Variants in WBP4 observed in about 807,000 individuals in gnomAD.
WBP4 encodes WW domain-binding protein 4.
A neutral mutation model predicts 55.4 loss-of-function variants in WBP4; 37 were observed. The observed-to-expected ratio is 0.67, with a 90% CI of 0.51 to 0.88. WBP4 has a LOEUF of 0.88. Among genes scored for constraint, WBP4 ranks in the 40% least tolerant of loss-of-function variants. The pLI, the probability that WBP4 is intolerant of heterozygous loss-of-function variation, is 0.00. For synonymous variants in WBP4, 142 were observed against 140.2 expected, an observed-to-expected ratio of 1.01 and a Z score of -0.09; for missense variants, 398 against 420.8, an observed-to-expected ratio of 0.95 and a Z score of 0.47.
rs1280397900 is a variant in WBP4, at chr13:41,066,565, AT to A, written c.262+1281del. 3.9e-5 allele frequency among the ~76,000 whole-genome samples: 6 copies of A among 152,306 alleles called. No individual in the cohort carries two copies. In the East Asian group the frequency reaches 1.2e-3, roughly 29 times the overall value. On this transcript the variant is annotated intron_variant, in intron 4 of 9. Transcript: ENST00000379487. ...GGAGCAGACTTTGGAGTCAAGCAGAATTTCCTCTTGCTAGTTATGACTTTTG... is the reference window on the plus strand; with the variant it reads ...GGAGCAGACTTTGGAGTCAAGCAGAATTCCTCTTGCTAGTTATGACTTTTG...
intron 8 of WBP4, among the ~76,000 whole-genome samples, chr13:41,078,986 G>T (rs1464669981): frequency 6.6e-6 from 1 of 152,092 alleles, no homozygotes; most frequent in Non-Finnish European, 1.5e-5. Context: ...AAAAGCTTAT[G>T]CACAGCAAAA....
chr13:41,062,108 T>G lies in WBP4; in HGVS notation c.2+433T>G, dbSNP rs866063938. The G allele has an allele frequency of 1.7e-4, 166 of 964,008 alleles. No individual in the cohort carries two copies. The African/African-American group carries it at 2.6e-3, about 15-fold the overall frequency. 59.7% of individuals were successfully genotyped at this position (964,008 alleles called of 1,614,324 possible). A position where few individuals can be genotyped will look rare whatever the true frequency, so the allele number is the denominator to read the frequency against. ...GGATAGCGTAATGGTTTTTTTTTTT[T>G]TTTTTTTTTTTTTTTTGTCGGCCGT... is the stretch of plus-strand genomic sequence containing the variant. On this transcript the variant is annotated intron_variant, in intron 1 of 9. Transcript: ENST00000379487.
At chr13:41,065,426 C>T (rs1877931337) in intron 4 of WBP4, 139 bp downstream of exon 4, 3 of 1,215,476 alleles carry the variant, frequency 2.5e-6, no homozygotes, top group Middle Eastern at 2.9e-4. Context: ...GCATCATAGC[C>T]CTGTTTAGAC....
chr13:41,069,260 C>T (rs1296610735), intron 5 of WBP4, among the ~76,000 whole-genome samples: 1 of 152,160 alleles, frequency 6.6e-6, no homozygotes, highest in Non-Finnish European at 1.5e-5. Flanking sequence ...GATGCAGTGG[C>T]TCATGCCTGT....
rs371023781 is a variant in WBP4 at position 41,076,047 on chromosome 13, C to T, written c.566C>T (p.Ser189Phe). 3 of 1,611,192 alleles carry T rather than the reference C, an allele frequency of 1.9e-6. No homozygotes were observed. The African/African-American group carries it at 4.0e-5, about 22-fold the overall frequency. ...GACTTTAAAATGTGTTGAGCAGAAT[C>T]CAGATGGGAGAAACCTGATGATTTC... Reference protein sequence around the residue: ...TYYYNTETGESRWEKPDDFIP... With the variant: ...TYYYNTETGEFRWEKPDDFIP... Residue 189 changes from serine (S) to phenylalanine (F), a missense_variant, in exon 8 of 10, where the codon TCC becomes TTC. Physicochemically the swap from Ser to Phe is radical, Grantham distance 155 (BLOSUM62 -2). Transcript: ENST00000379487.
chr13:41,076,616 T>C (rs1042152549), intron 8 of WBP4, among the ~76,000 whole-genome samples: 9 of 152,210 alleles, frequency 5.9e-5, no homozygotes, highest in Middle Eastern at 3.4e-3. Flanking sequence ...AGACCTTAAG[T>C]CTTCTGATAG....
intron 1 of WBP4, 89 bp from the exon 2 acceptor site, chr13:41,062,555 T>C: frequency 1.7e-6 from 2 of 1,175,880 alleles, no homozygotes; most frequent in Non-Finnish European, 2.4e-6. Flanking sequence ...CAGGGGCATA[T>C]ATTTCAAACT....
In WBP4 at chr13:41,082,857, G is replaced by C. The variant is rs368798687; in HGVS notation, c.1074G>C (p.Lys358Asn). 1.9e-6 allele frequency: 3 copies of C among 1,613,938 alleles called. No individual in the cohort carries two copies. The African/African-American group carries it at 4.0e-5, about 22-fold the overall frequency. The change falls in exon 10 of 10, where the codon AAG becomes AAC. Residue 358 changes from lysine to asparagine, a missense_variant. Coordinates refer to ENST00000379487, the MANE Select transcript of WBP4 (RefSeq NM_007187.5). ...MADGVAPVFK[K>N]RRTENGKSRN... ...ATGGAGTGGCCCCAGTCTTCAAAAA[G>C]AGAAGAACTGAAAATGGAAAATCTA...
chr13:41,074,686 T>G (rs1014870857), intron 7 of WBP4, among the ~76,000 whole-genome samples: 2 of 152,154 alleles, frequency 1.3e-5, no homozygotes, highest in African/African-American at 4.8e-5. Context: ...GCTTGGCACA[T>G]AGTAGGTGCT....
At chr13:41,072,723 T>A (rs959727220) in intron 6 of WBP4, 59 bp from the exon 7 acceptor site, 1 of 1,505,670 alleles carries the variant, frequency 6.6e-7, no homozygotes. Flanking sequence ...CTGTCTGAGT[T>A]ATTCAATAGA....
At position 41,082,845 on chromosome 13, in the gene WBP4, A is replaced by C. The variant is rs759217852; in HGVS notation, c.1062A>C (p.Pro354=). The C allele has an allele frequency of 1.2e-6, 2 of 1,614,040 alleles. No homozygotes were observed. Among genetic ancestry groups the C allele is most frequent in the Non-Finnish European group, 1.7e-6 (2 of 1,180,032 alleles). Reference sequence around the variant, plus strand: ...GAGTTATGGCAGATGGAGTGGCCCCAGTCTTCAAAAAGAGAAGAACTGAAA... The same window carrying C: ...GAGTTATGGCAGATGGAGTGGCCCCCGTCTTCAAAAAGAGAAGAACTGAAA... ...SLGVMADGVA[P]VFKKRRTENG... is the part of the protein sequence containing the mutation. The change falls in exon 10 of 10, where the codon CCA becomes CCC. Residue 354 remains proline (P), a synonymous_variant. Coordinates refer to ENST00000379487, the MANE Select transcript of WBP4 (RefSeq NM_007187.5).
Position 41,062,810 on chromosome 13 carries a change from G to T in WBP4, c.75+94G>T, listed in dbSNP as rs1877758157. Reference sequence around the variant, plus strand: ...AACTCAGTTTACAAAGCACTTTTATGTACATTGCTCTTGCATTTTCAAAAC... The same window carrying T: ...AACTCAGTTTACAAAGCACTTTTATTTACATTGCTCTTGCATTTTCAAAAC... On this transcript the variant is annotated intron_variant, in intron 2 of 9. Coordinates refer to ENST00000379487, the MANE Select transcript of WBP4 (RefSeq NM_007187.5). 4.6e-6 allele frequency: 5 copies of T among 1,077,902 alleles called. No homozygotes were observed. The Admixed American group carries it at 9.9e-5, about 21-fold the overall frequency. The allele number at this position is 1,077,902 out of a possible 1,614,324, so 66.8% of individuals were successfully genotyped here. A position where few individuals can be genotyped will look rare whatever the true frequency, so the allele number is the denominator to read the frequency against.
Position 41,064,922 on chromosome 13 carries a change from T to C in WBP4, c.76-94T>C, listed in dbSNP as rs1000934207. On this transcript the variant is annotated intron_variant, in intron 2 of 9. Coordinates refer to ENST00000379487, the MANE Select transcript of WBP4 (RefSeq NM_007187.5). ...TCTTTTCTGCCATTCATTTTAATTT[T>C]AATTTTCTCATGTTTATGAGAAAAT... The C allele has an allele frequency of 1.1e-5, 13 of 1,180,994 alleles. No individual in the cohort carries two copies. The African/African-American group carries it at 2.1e-4, about 19-fold the overall frequency. 73.2% of individuals were successfully genotyped at this position (1,180,994 alleles called of 1,614,324 possible).
intron 5 of WBP4, 147 bp downstream of exon 5, chr13:41,068,884 C>T: frequency 1.2e-6 from 1 of 845,758 alleles, no homozygotes; most frequent in Non-Finnish European, 1.7e-6. Context: ...GGTAAGAAAA[C>T]TGTGTGCCCT....
chr13:41,079,974 T>C (rs1316203053), intron 8 of WBP4, among the ~76,000 whole-genome samples: 1 of 149,244 alleles, frequency 6.7e-6, no homozygotes. Context: ...CAAAGTCAAA[T>C]ACTACATGTT....
In WBP4 at chr13:41,082,692, CT is replaced by C. The variant is rs1257560069; in HGVS notation, c.921-11del. ...CCTGTCAAATAGAGTTTTACTTTAA[CT>C]CTATTTCCAGTGAGGAGGTAGATTT... On this transcript the variant is annotated splice_polypyrimidine_tract_variant and intron_variant, in intron 9 of 9. Transcript: ENST00000379487. 6.2e-7 allele frequency: 1 copy of C among 1,612,750 alleles called. No homozygotes were observed. Among genetic ancestry groups the C allele is most frequent in the African/African-American group, 1.3e-5 (1 of 74,862 alleles).
intron 6 of WBP4, among the ~76,000 whole-genome samples, chr13:41,072,311 G>A (rs1017562150): frequency 1.3e-5 from 2 of 152,166 alleles, no homozygotes; most frequent in African/African-American, 4.8e-5. Context: ...AAATACTTCT[G>A]AAACTAGGTA....
chr13:41,065,403 G>A (rs1877930156), intron 4 of WBP4, 116 bp downstream of exon 4: 2 of 1,370,704 alleles, frequency 1.5e-6, no homozygotes, highest in Admixed American at 6.0e-5. Context: ...TGTACTCTCA[G>A]TGCTTTTATT....
intron 8 of WBP4, among the ~76,000 whole-genome samples, chr13:41,076,513 C>G (rs1363991808): frequency 6.6e-6 from 1 of 151,928 alleles, no homozygotes; most frequent in Non-Finnish European, 1.5e-5. Context: ...GATCTCCTGA[C>G]CTCGTGATCT....
Sources: gnomAD v4.1 joint callset for allele counts (sites outside exome capture counted in the v4.1 genomes callset) on GRCh38, gnomAD v4.1.1 for gene constraint, MANE v1.5 for transcripts, NCBI Gene and HGNC (gene_info 2026-07-23, HGNC 2026-07-21) for gene names.